The following RUNDC3B variants were observed in gnomAD, a reference collection of about 807,000 sequenced individuals.
RUNDC3B encodes RUN domain containing 3B, also known as RUN domain-containing protein 3B.
In RUNDC3B, 33 loss-of-function variants were observed where a neutral mutation model predicts 58.4. That is an observed-to-expected ratio of 0.56 (90% CI 0.43 to 0.75). The LOEUF (loss-of-function observed/expected upper bound fraction) is 0.75, where lower values mean the gene tolerates loss of function less well. Ranked by LOEUF, RUNDC3B falls within the 30% of genes least tolerant of loss-of-function variation. RUNDC3B has a pLI of 0.00. For synonymous variants in RUNDC3B, 193 were observed against 195.2 expected, an observed-to-expected ratio of 0.99 and a Z score of 0.10; for missense variants, 501 against 535.7, an observed-to-expected ratio of 0.94 and a Z score of 0.64.
chr7:87,819,852 C>T (rs896948873), intron 10 of RUNDC3B, among the ~76,000 whole-genome samples: 11 of 151,448 alleles, frequency 7.3e-5, no homozygotes, highest in Non-Finnish European at 1.0e-4. Flanking sequence ...GAACAAAGAC[C>T]CAACATACCA....
chr7:87,630,779 C>G (rs1821137160), intron 1 of RUNDC3B, among the ~76,000 whole-genome samples: 1 of 151,350 alleles, frequency 6.6e-6, no homozygotes, highest in South Asian at 2.1e-4. Flanking sequence ...GGTACTGTTC[C>G]TTTTGCTTCT....
At chr7:87,802,569 T>G (rs989148617) in intron 8 of RUNDC3B, among the ~76,000 whole-genome samples, 2 of 152,178 alleles carry the variant, frequency 1.3e-5, no homozygotes, top group African/African-American at 4.8e-5. Context: ...AAGAGTATTA[T>G]CAGATTGTTT....
intron 8 of RUNDC3B, among the ~76,000 whole-genome samples, chr7:87,791,786 A>G (rs1835533494): frequency 6.6e-6 from 1 of 152,094 alleles, no homozygotes; most frequent in African/African-American, 2.4e-5. Flanking sequence ...AAAAAGGAAT[A>G]CAGGAATGAT....
chr7:87,793,843 A>G (rs527939473), intron 8 of RUNDC3B, among the ~76,000 whole-genome samples: 1 of 152,256 alleles, frequency 6.6e-6, no homozygotes, highest in South Asian at 2.1e-4. Flanking sequence ...GAGCAATCAG[A>G]GAAGGGAAAG....
chr7:87,638,068 TTG>T (rs1433185881), intron 1 of RUNDC3B, among the ~76,000 whole-genome samples: 1 of 152,154 alleles, frequency 6.6e-6, no homozygotes, highest in Non-Finnish European at 1.5e-5. Context: ...TAAATTTTTT[TTG>T]TCTTTCAAGT....
chr7:87,697,961 CA>C (rs1828642946), intron 2 of RUNDC3B, among the ~76,000 whole-genome samples: 1 of 151,970 alleles, frequency 6.6e-6, no homozygotes, highest in African/African-American at 2.4e-5. Context: ...GCCCTAGAGA[CA>C]AACTATATTG....
At chr7:87,794,137 A>G (rs1835679802) in intron 8 of RUNDC3B, among the ~76,000 whole-genome samples, 1 of 152,154 alleles carries the variant, frequency 6.6e-6, no homozygotes, top group Non-Finnish European at 1.5e-5. Flanking sequence ...AGTTCTCTAC[A>G]ATAAAAACTG....
intron 8 of RUNDC3B, among the ~76,000 whole-genome samples, chr7:87,789,711 C>G (rs1361137166): frequency 6.6e-6 from 1 of 152,116 alleles, no homozygotes; most frequent in African/African-American, 2.4e-5. Context: ...AAGGATAAAC[C>G]ATGTTCTATT....
intron 3 of RUNDC3B, among the ~76,000 whole-genome samples, chr7:87,708,654 C>G (rs980778112): frequency 6.6e-6 from 1 of 151,482 alleles, no homozygotes; most frequent in Non-Finnish European, 1.5e-5. Context: ...TTTTTTTAAA[C>G]TCTCTTAAAT....
Position 87,711,102 on chromosome 7 carries a change from A to G in RUNDC3B, c.458+447A>G, listed in dbSNP as rs534750674. Among the ~76,000 whole-genome samples, 225 of 152,162 alleles carry G rather than the reference A, an allele frequency of 1.5e-3. 1 individual carries two copies. The highest frequency in any genetic ancestry group is 5.3e-3 in the African/African-American group (220 of 41,526). On this transcript the variant is annotated intron_variant, in intron 4 of 10. Transcript: ENST00000394654. ...AGCACTTTGGGAGGCCGAGGCTGGC[A>G]GATCACCTGAGGTCTGGAGTTCAAG... is the stretch of plus-strand genomic sequence containing the variant.
intron 8 of RUNDC3B, among the ~76,000 whole-genome samples, chr7:87,795,723 C>CAAAAA (rs551631238): frequency 2.6e-5 from 3 of 113,376 alleles, no homozygotes; most frequent in African/African-American, 6.4e-5. Flanking sequence ...ACTAAAAATA[C>CAAAAA]AAAAAAAAAA....
At position 87,818,747 on chromosome 7, in the gene RUNDC3B, T is replaced by G. The variant is rs576255464; in HGVS notation, c.1225+2485T>G. Among the ~76,000 whole-genome samples the G allele has an allele frequency of 9.1e-4, 139 of 152,022 alleles. 1 individual carries two copies. The highest frequency in any genetic ancestry group is 1.7e-3 in the Non-Finnish European group (118 of 67,998). ...AATTAAACTGTGCAAAAGAAGGAAT[T>G]GGGATGTTTGTGGCAGGCTTAGATT... On this transcript the variant is annotated intron_variant, in intron 10 of 10. Transcript: ENST00000394654.
intron 2 of RUNDC3B, among the ~76,000 whole-genome samples, chr7:87,694,594 G>A (rs956398756): frequency 6.6e-6 from 1 of 152,044 alleles, no homozygotes; most frequent in Non-Finnish European, 1.5e-5. Flanking sequence ...AATTTTATCT[G>A]TTTTATGTTC....
chr7:87,721,477 C>T (rs1169655539), intron 4 of RUNDC3B, among the ~76,000 whole-genome samples: 1 of 152,000 alleles, frequency 6.6e-6, no homozygotes, highest in African/African-American at 2.4e-5. Flanking sequence ...AAATAAAATT[C>T]AAACAGAAAT....
At chr7:87,757,288 A>T (rs10247258) in intron 6 of RUNDC3B, among the ~76,000 whole-genome samples, 14,907 of 152,126 alleles carry the variant, frequency 0.098, 881 homozygotes, top group African/African-American at 0.17. Flanking sequence ...ATAAATGGAA[A>T]AGTAGATCCA....
chr7:87,779,896 T>C (rs1018956710), intron 8 of RUNDC3B, among the ~76,000 whole-genome samples: 1 of 152,174 alleles, frequency 6.6e-6, no homozygotes, highest in African/African-American at 2.4e-5. Context: ...TGGTTTTCTG[T>C]TTCTGCATTA....
intron 3 of RUNDC3B, among the ~76,000 whole-genome samples, chr7:87,702,202 TA>T (rs1829144951): frequency 6.6e-6 from 1 of 151,238 alleles, no homozygotes; most frequent in Non-Finnish European, 1.5e-5. Context: ...AATTTTTTTT[TA>T]GGAAAAATAG....
intron 3 of RUNDC3B, among the ~76,000 whole-genome samples, chr7:87,703,182 G>A (rs1328755678): frequency 4.6e-5 from 7 of 151,986 alleles, no homozygotes; most frequent in Middle Eastern, 3.2e-3. Flanking sequence ...TGTAATAACC[G>A]AAAGTATAAC....
intron 10 of RUNDC3B, among the ~76,000 whole-genome samples, chr7:87,821,398 A>C (rs1176375293): frequency 1.3e-5 from 2 of 152,230 alleles, no homozygotes; most frequent in Non-Finnish European, 2.9e-5. Flanking sequence ...AGAGGATACA[A>C]ACAAATGGAA....
Sources: allele counts gnomAD v4.1 joint callset (sites outside exome capture counted in the v4.1 genomes callset), GRCh38; gene constraint gnomAD v4.1.1; transcripts MANE v1.5; gene names NCBI Gene and HGNC (gene_info 2026-07-23, HGNC 2026-07-21).